Variants in RAPGEF4 observed in about 807,000 individuals in gnomAD.
RAPGEF4 encodes Rap guanine nucleotide exchange factor 4, also known as RAP guanine-nucleotide-exchange factor (GEF) 4.
A neutral mutation model predicts 147.9 loss-of-function variants in RAPGEF4; 66 were observed. The observed-to-expected ratio is 0.45, with a 90% confidence interval of 0.37 to 0.55. RAPGEF4 has a LOEUF of 0.55. Ranked by LOEUF, RAPGEF4 falls within the 20% of genes least tolerant of loss-of-function variation. RAPGEF4 has a pLI of 0.00. For synonymous variants in RAPGEF4, 419 were observed against 442.7 expected (o/e 0.95, Z 0.67); for missense variants, 1,071 against 1,257.3 (o/e 0.85, Z 2.24).
chr2:173,033,661 C>T (rs1683523571), intron 26 of RAPGEF4, among the ~76,000 whole-genome samples: 1 of 152,134 alleles, frequency 6.6e-6, no homozygotes, highest in African/African-American at 2.4e-5. Context: ...GTTCAGAAAA[C>T]ATTATAAAAG....
intron 10 of RAPGEF4, among the ~76,000 whole-genome samples, chr2:172,981,190 C>T (rs1530591): frequency 0.028 from 4,312 of 152,244 alleles, 93 homozygotes; most frequent in East Asian, 0.073. Context: ...TCTCTTTTAG[C>T]CAAGCTTCTA....
intron 22 of RAPGEF4, 110 bp from the exon 23 acceptor site, chr2:173,020,508 T>C (rs1475243758): frequency 1.1e-6 from 1 of 871,146 alleles, no homozygotes; most frequent in African/African-American, 1.7e-5. Flanking sequence ...ATGCAGTCAC[T>C]CTGCGTGTTC....
chr2:172,931,143 A>C (rs1422285522), intron 6 of RAPGEF4, among the ~76,000 whole-genome samples: 1 of 106,352 alleles, frequency 9.4e-6, no homozygotes, highest in Non-Finnish European at 1.7e-5. Context: ...CCACAATAAA[A>C]GGATTAGTAA....
chr2:172,962,009 G>C (rs550163737), intron 8 of RAPGEF4, among the ~76,000 whole-genome samples: 5 of 152,192 alleles, frequency 3.3e-5, no homozygotes, highest in African/African-American at 1.2e-4. Context: ...AGAAATGACA[G>C]AGATAAAGGC....
intron 23 of RAPGEF4, among the ~76,000 whole-genome samples, chr2:173,021,272 C>T (rs1696059670): frequency 6.6e-6 from 1 of 152,184 alleles, no homozygotes; most frequent in Non-Finnish European, 1.5e-5. Flanking sequence ...AGCCTGCTCT[C>T]TTTTAAGTCG....
intron 6 of RAPGEF4, among the ~76,000 whole-genome samples, chr2:172,927,590 G>A (rs902319714): frequency 2.6e-5 from 4 of 151,714 alleles, no homozygotes; most frequent in African/African-American, 9.7e-5. Flanking sequence ...AGCCAGGATC[G>A]TACCACTGCA....
intron 30 of RAPGEF4, 66 bp downstream of exon 30, chr2:173,048,720 A>T (rs1685812166): frequency 1.3e-5 from 21 of 1,611,290 alleles, no homozygotes; most frequent in Non-Finnish European, 1.7e-5. Flanking sequence ...TAATGAGGCC[A>T]TTGAGACACC....
At chr2:172,860,433 T>G (rs1469302070) in intron 4 of RAPGEF4, 1 of 517,496 alleles carries the variant, frequency 1.9e-6, no homozygotes, top group Non-Finnish European at 2.5e-6. Flanking sequence ...TTTGTGTAAA[T>G]GTAATATCAA....
At chr2:172,990,228 T>A (rs1175498894) in intron 14 of RAPGEF4, among the ~76,000 whole-genome samples, 1 of 152,196 alleles carries the variant, frequency 6.6e-6, no homozygotes, top group Admixed American at 6.5e-5. Context: ...CCTTCAAGTT[T>A]ACACACAAGG....
chr2:172,753,767 C>T (rs1374088477), intron 1 of RAPGEF4, among the ~76,000 whole-genome samples: 2 of 151,940 alleles, frequency 1.3e-5, no homozygotes, highest in African/African-American at 2.4e-5. Flanking sequence ...AGCACTATGA[C>T]TCTTCTTAAC....
At chr2:172,782,191 C>G (rs1028565993) in intron 1 of RAPGEF4, among the ~76,000 whole-genome samples, 4 of 152,210 alleles carry the variant, frequency 2.6e-5, no homozygotes, top group African/African-American at 9.6e-5. Flanking sequence ...TTTCTTAAAG[C>G]TAGAGCTTCC....
At chr2:173,021,212 CAG>C (rs928215005) in intron 23 of RAPGEF4, among the ~76,000 whole-genome samples, 1 of 152,192 alleles carries the variant, frequency 6.6e-6, no homozygotes, top group Non-Finnish European at 1.5e-5. Context: ...AGCATACAGA[CAG>C]ATCTTTCTGT....
intron 4 of RAPGEF4, among the ~76,000 whole-genome samples, chr2:172,911,238 A>G (rs1195003813): frequency 2.0e-5 from 3 of 152,198 alleles, no homozygotes; most frequent in Non-Finnish European, 4.4e-5. Context: ...TCTCAGACCT[A>G]TGAATGAAAG....
At chr2:172,832,237 T>A (rs1265445089) in intron 4 of RAPGEF4, among the ~76,000 whole-genome samples, 2 of 152,182 alleles carry the variant, frequency 1.3e-5, no homozygotes, top group Non-Finnish European at 2.9e-5. Flanking sequence ...AGATCTATGA[T>A]CGTCTGAGGT....
At chr2:173,036,966 A>G (rs1455358256) in intron 29 of RAPGEF4, among the ~76,000 whole-genome samples, 1 of 152,184 alleles carries the variant, frequency 6.6e-6, no homozygotes, top group Non-Finnish European at 1.5e-5. Flanking sequence ...AAATGCACAA[A>G]TGTTCCTGAG....
chr2:173,046,027 G>C (rs1685425046), intron 29 of RAPGEF4, among the ~76,000 whole-genome samples: 1 of 152,190 alleles, frequency 6.6e-6, no homozygotes. Context: ...ACTATGCATT[G>C]ACCGGGAATG....
chr2:173,031,802 C>A (rs1313095327), intron 26 of RAPGEF4, among the ~76,000 whole-genome samples: 2 of 152,086 alleles, frequency 1.3e-5, no homozygotes, highest in Non-Finnish European at 2.9e-5. Context: ...GGAAATTATC[C>A]TTTCATCATT....
At chr2:173,036,728 T>A (rs777729601) in intron 29 of RAPGEF4, 36 bp downstream of exon 29, 2 of 1,466,522 alleles carry the variant, frequency 1.4e-6, no homozygotes, top group Non-Finnish European at 1.9e-6. Flanking sequence ...CACAATGTGT[T>A]TTTAAAATAA....
chr2:172,904,424 C>T (rs1181410519), intron 4 of RAPGEF4, among the ~76,000 whole-genome samples: 1 of 152,180 alleles, frequency 6.6e-6, no homozygotes, highest in South Asian at 2.1e-4. Context: ...AATTGTTTTA[C>T]GACTTTCAAT....
Sources: gnomAD v4.1 joint callset for allele counts (sites outside exome capture counted in the v4.1 genomes callset) on GRCh38, gnomAD v4.1.1 for gene constraint, MANE v1.5 for transcripts, NCBI Gene and HGNC (gene_info 2026-07-23, HGNC 2026-07-21) for gene names.